TASP1: variants seen among roughly 807,000 people sequenced by gnomAD.
TASP1 encodes taspase 1.
TASP1 carries 16 observed loss-of-function variants against 56.6 expected under a neutral mutation model. The ratio of observed to expected loss-of-function variants is 0.28; its 90% CI spans 0.19 to 0.43. The LOEUF is 0.43. Among genes scored for constraint, TASP1 ranks in the 20% least tolerant of loss-of-function variants. The probability of loss-of-function intolerance (pLI) is 1.00; values close to 1 mark genes in which losing one functional copy is unlikely to be tolerated. For synonymous variants in TASP1, 179 were observed against 184.2 expected (o/e 0.97, Z 0.23); for missense variants, 393 against 511.6 (o/e 0.77, Z 2.24).
chr20:13,416,791 G>C (rs1482877037), intron 13 of TASP1, among the ~76,000 whole-genome samples: 3 of 152,138 alleles, frequency 2.0e-5, no homozygotes, highest in African/African-American at 7.2e-5. Flanking sequence ...AAATCATGTT[G>C]CTTATTCCCA....
chr20:13,282,778 C>T, the TASP1 span, among the ~76,000 whole-genome samples: 4 of 152,296 alleles, frequency 2.6e-5, no homozygotes, highest in South Asian at 2.1e-4. Flanking sequence ...TGAATAGCCC[C>T]GGGCCTTGTT....
At chr20:13,342,595 G>A in the TASP1 span, among the ~76,000 whole-genome samples, 2 of 152,192 alleles carry the variant, frequency 1.3e-5, no homozygotes, top group South Asian at 2.1e-4. Flanking sequence ...GGCCAGGGAT[G>A]ACAGGGCACG....
the TASP1 span, chr20:13,239,697 G>T: frequency 6.6e-6 from 1 of 152,208 alleles, no homozygotes; most frequent in East Asian, 1.9e-4. Context: ...TGTTTAGAAG[G>T]CAGGTTGCAG....
At chr20:13,111,465 G>A in the TASP1 span, among the ~76,000 whole-genome samples, 1 of 152,216 alleles carries the variant, frequency 6.6e-6, no homozygotes, top group Non-Finnish European at 1.5e-5. Flanking sequence ...TACGATGCAT[G>A]GGACAGCCCC....
At chr20:13,463,351 A>G (rs552836916) in intron 11 of TASP1, among the ~76,000 whole-genome samples, 1 of 152,284 alleles carries the variant, frequency 6.6e-6, no homozygotes, top group Admixed American at 6.5e-5. Flanking sequence ...TTTACAACAT[A>G]TGCAAAAATA....
At chr20:13,356,638 G>A in the TASP1 span, among the ~76,000 whole-genome samples, 1 of 152,160 alleles carries the variant, frequency 6.6e-6, no homozygotes, top group Non-Finnish European at 1.5e-5. Context: ...ATCAAAGCAT[G>A]AGATGCTCTA....
At chr20:13,505,346 T>C (rs2044091802) in intron 10 of TASP1, among the ~76,000 whole-genome samples, 1 of 152,118 alleles carries the variant, frequency 6.6e-6, no homozygotes, top group Non-Finnish European at 1.5e-5. Context: ...CAACAATGGA[T>C]AGATTATGCA....
intron 4 of TASP1, among the ~76,000 whole-genome samples, chr20:13,601,869 T>C (rs2047970900): frequency 8.3e-4 from 1 of 1,204 alleles, no homozygotes; most frequent in Admixed American, 3.2e-3. Context: ...AACCCCATTC[T>C]TTTTTTTTTT....
intron 10 of TASP1, among the ~76,000 whole-genome samples, chr20:13,504,182 A>C (rs2044048275): frequency 1.3e-5 from 2 of 152,248 alleles, no homozygotes; most frequent in Admixed American, 1.3e-4. Context: ...CCAAATGCAA[A>C]GGGAGAAAAT....
the TASP1 span, among the ~76,000 whole-genome samples, chr20:13,319,179 C>T: frequency 6.6e-6 from 1 of 151,794 alleles, no homozygotes; most frequent in African/African-American, 2.4e-5. Context: ...ACTAAAAATG[C>T]TCTGAAACAA....
chr20:13,126,506 G>T, the TASP1 span: 1 of 1,511,608 alleles, frequency 6.6e-7, no homozygotes, highest in Non-Finnish European at 9.0e-7. Context: ...TTTGCTATGA[G>T]GATAGGGATG....
chr20:13,262,343 A>T, the TASP1 span, among the ~76,000 whole-genome samples: 6 of 152,200 alleles, frequency 3.9e-5, no homozygotes, highest in African/African-American at 1.2e-4. Flanking sequence ...CTGGATGCTG[A>T]GGATGGCTGG....
chr20:13,152,651 G>A, the TASP1 span, among the ~76,000 whole-genome samples: 1 of 152,174 alleles, frequency 6.6e-6, no homozygotes, highest in East Asian at 1.9e-4. Context: ...GTCCCTAGTT[G>A]TGCTCCATCA....
the TASP1 span, among the ~76,000 whole-genome samples, chr20:13,116,270 G>A: frequency 1.3e-5 from 2 of 152,250 alleles, no homozygotes; most frequent in Admixed American, 1.3e-4. Context: ...AAAAGGAGAC[G>A]TTCAACTCTG....
At chr20:13,526,604 C>T (rs910013802) in intron 10 of TASP1, among the ~76,000 whole-genome samples, 1 of 152,028 alleles carries the variant, frequency 6.6e-6, no homozygotes, top group Non-Finnish European at 1.5e-5. Flanking sequence ...AGTATGGATT[C>T]GATTCAACAT....
chr20:13,636,321 T>A (rs1351425263), intron 1 of TASP1, among the ~76,000 whole-genome samples: 1 of 150,176 alleles, frequency 6.7e-6, no homozygotes, highest in Non-Finnish European at 1.5e-5. Flanking sequence ...AATTTTTTTT[T>A]TTTTTTTTTT....
intron 11 of TASP1, among the ~76,000 whole-genome samples, chr20:13,475,197 T>C (rs963502753): frequency 6.6e-6 from 1 of 152,222 alleles, no homozygotes; most frequent in Non-Finnish European, 1.5e-5. Flanking sequence ...TATATGTATG[T>C]ATAATTAATG....
chr20:13,140,801 G>C, the TASP1 span, among the ~76,000 whole-genome samples: 6 of 152,164 alleles, frequency 3.9e-5, no homozygotes, highest in Non-Finnish European at 7.3e-5. Context: ...GGAAAAAAGA[G>C]TGACACTTAT....
chr20:13,418,395 G>A (rs2042331752), intron 12 of TASP1, among the ~76,000 whole-genome samples: 1 of 152,118 alleles, frequency 6.6e-6, no homozygotes. Flanking sequence ...AACTTGAAGG[G>A]CTCTTACTGG....
Sources: gnomAD v4.1 joint callset for allele counts (sites outside exome capture counted in the v4.1 genomes callset) on GRCh38, gnomAD v4.1.1 for gene constraint, MANE v1.5 for transcripts, NCBI Gene and HGNC (gene_info 2026-07-23, HGNC 2026-07-21) for gene names.